The following CSMD3 variants were observed in gnomAD, a reference collection of about 807,000 sequenced individuals.
The protein encoded by CSMD3 is CUB and sushi domain-containing protein 3.
Under a neutral mutation model 435.2 loss-of-function variants are expected in CSMD3, and 177 were observed. The observed-to-expected ratio is 0.41, with a 90% CI of 0.36 to 0.46. CSMD3 has a LOEUF of 0.46. Among genes scored for constraint, CSMD3 ranks in the 20% least tolerant of loss-of-function variants. The pLI is 0.34. For synonymous variants in CSMD3, 1,656 were observed against 1,520.5 expected (o/e 1.09, Z -2.07); for missense variants, 4,265 against 4,504.6 (o/e 0.95, Z 1.52).
chr8:112,944,356 A>G (rs1482488862), intron 9 of CSMD3, among the ~76,000 whole-genome samples: 3 of 151,572 alleles, frequency 2.0e-5, no homozygotes, highest in African/African-American at 7.3e-5. Context: ...TTGGGATCCC[A>G]TTTATTTTCT....
At chr8:113,072,296 T>C (rs897222728) in intron 5 of CSMD3, among the ~76,000 whole-genome samples, 3 of 151,770 alleles carry the variant, frequency 2.0e-5, no homozygotes, top group Non-Finnish European at 4.4e-5. Context: ...TTTTTCCTTA[T>C]CTAATTGCTC....
At chr8:112,976,911 CAATT>C (rs561265060) in intron 6 of CSMD3, among the ~76,000 whole-genome samples, 131 of 152,014 alleles carry the variant, frequency 8.6e-4, no homozygotes, top group Admixed American at 2.6e-3. Flanking sequence ...CTAGTTTTAA[CAATT>C]GGTTGGGAAT....
chr8:112,666,400 T>C lies in CSMD3; in HGVS notation c.2693A>G (p.His898Arg). The change falls in exon 17 of 71, where the codon CAT becomes CGT. Residue 898 changes from histidine to arginine, a missense_variant. His to Arg is a conservative substitution (Grantham distance 29, BLOSUM62 0). Coordinates refer to ENST00000297405, the MANE Select transcript of CSMD3 (RefSeq NM_198123.2). ...AATCACTCCACTGGGAGCTGAAAAA[T>C]GGCCACCACATGGGGCTGAAAAATT... ...IPKCGAPCGG[H>R]FSAPSGVILS... 2 of 1,612,504 alleles carry C rather than the reference T, an allele frequency of 1.2e-6. No homozygotes were observed. Among genetic ancestry groups the C allele is most frequent in the Non-Finnish European group, 1.7e-6 (2 of 1,179,198 alleles).
At chr8:113,037,495 T>C (rs1045700122) in intron 5 of CSMD3, among the ~76,000 whole-genome samples, 10 of 152,278 alleles carry the variant, frequency 6.6e-5, no homozygotes, top group Non-Finnish European at 1.3e-4. Flanking sequence ...ATTCATTTCA[T>C]TGATTTTTCT....
intron 22 of CSMD3, among the ~76,000 whole-genome samples, chr8:112,635,122 C>G (rs1206124187): frequency 6.6e-6 from 1 of 151,998 alleles, no homozygotes; most frequent in African/African-American, 2.4e-5. Context: ...ATTTTATAAA[C>G]TAAGTTGACA....
At chr8:113,272,998 G>T (rs2093541339) in intron 3 of CSMD3, among the ~76,000 whole-genome samples, 1 of 151,988 alleles carries the variant, frequency 6.6e-6, no homozygotes, top group Admixed American at 6.6e-5. Flanking sequence ...AAAATAACTA[G>T]TGAAGTGAAT....
chr8:113,396,550 TTGAC>T (rs1294302994), intron 1 of CSMD3, among the ~76,000 whole-genome samples: 1 of 152,166 alleles, frequency 6.6e-6, no homozygotes, highest in Non-Finnish European at 1.5e-5. Context: ...TATATAAAAA[TTGAC>T]TAGTGAATAA....
chr8:112,694,225 G>A (rs2076203508), intron 13 of CSMD3, among the ~76,000 whole-genome samples: 1 of 151,912 alleles, frequency 6.6e-6, no homozygotes, highest in Non-Finnish European at 1.5e-5. Flanking sequence ...CAGCATATTT[G>A]AAAATTTATA....
chr8:112,859,241 T>C lies in CSMD3; in HGVS notation c.1659A>G (p.Gln553=), dbSNP rs1219819287. The C allele has an allele frequency of 6.2e-7, 1 of 1,611,400 alleles. No individual in the cohort carries two copies. The highest frequency in any genetic ancestry group is 2.2e-5 in the East Asian group (1 of 44,758). The part of the protein sequence containing the change: ...CKVKTCGSNL[Q]GPSGTFTSPN... ...GAGATGTAAAGGTACCACTTGGTCCTTGAAGATTAGAGCCACACGTTTTCA... is the reference window on the plus strand; with the variant it reads ...GAGATGTAAAGGTACCACTTGGTCCCTGAAGATTAGAGCCACACGTTTTCA... Residue 553 remains glutamine (Q), a synonymous_variant, in exon 11 of 71, where the codon CAA becomes CAG. Coordinates refer to ENST00000297405, the MANE Select transcript of CSMD3 (RefSeq NM_198123.2).
intron 4 of CSMD3, among the ~76,000 whole-genome samples, chr8:113,113,027 C>A (rs2090710724): frequency 6.6e-6 from 1 of 152,154 alleles, no homozygotes; most frequent in Non-Finnish European, 1.5e-5. Flanking sequence ...GACTGTGCCA[C>A]CTTTGAAATT....
At chr8:112,492,204 C>T (rs1226358587) in intron 31 of CSMD3, among the ~76,000 whole-genome samples, 3 of 152,092 alleles carry the variant, frequency 2.0e-5, no homozygotes, top group African/African-American at 7.2e-5. Context: ...GGTGCAAGTC[C>T]TGAAGGCACA....
intron 3 of CSMD3, among the ~76,000 whole-genome samples, chr8:113,215,994 T>C (rs982051893): frequency 6.6e-6 from 1 of 151,952 alleles, no homozygotes; most frequent in East Asian, 1.9e-4. Context: ...AGCATTCTTA[T>C]ACATGGTTGA....
chr8:112,395,754 A>C (rs973674279), intron 35 of CSMD3, among the ~76,000 whole-genome samples: 1 of 152,194 alleles, frequency 6.6e-6, no homozygotes, highest in East Asian at 1.9e-4. Flanking sequence ...AGAGTCTAAA[A>C]GGGAGGAAAG....
intron 32 of CSMD3, among the ~76,000 whole-genome samples, chr8:112,424,978 C>A (rs571472601): frequency 9.2e-4 from 140 of 152,336 alleles, no homozygotes; most frequent in African/African-American, 3.3e-3. Flanking sequence ...GCATGAGCCA[C>A]CGCGCTTGAC....
At chr8:112,932,296 C>T (rs896905870) in intron 9 of CSMD3, among the ~76,000 whole-genome samples, 3 of 152,134 alleles carry the variant, frequency 2.0e-5, no homozygotes, top group South Asian at 2.1e-4. Flanking sequence ...GCAACATGGA[C>T]GGAACTTCAG....
chr8:113,286,291 A>G (rs532496361), intron 2 of CSMD3, among the ~76,000 whole-genome samples: 1 of 152,160 alleles, frequency 6.6e-6, no homozygotes, highest in Non-Finnish European at 1.5e-5. Flanking sequence ...GATATTTTAT[A>G]CTGAAATGAA....
At chr8:112,415,137 C>G (rs192188255) in intron 32 of CSMD3, among the ~76,000 whole-genome samples, 3 of 152,324 alleles carry the variant, frequency 2.0e-5, no homozygotes, top group Admixed American at 2.0e-4. Context: ...TGTCAGAGAC[C>G]TTCATGGAAG....
At chr8:112,672,329 T>C (rs1449932818) in intron 16 of CSMD3, among the ~76,000 whole-genome samples, 1 of 152,122 alleles carries the variant, frequency 6.6e-6, no homozygotes, top group African/African-American at 2.4e-5. Context: ...TTATTATTAG[T>C]GGAGGCCTAA....
chr8:112,950,291 C>A (rs1202319015), intron 8 of CSMD3, among the ~76,000 whole-genome samples: 2 of 151,722 alleles, frequency 1.3e-5, no homozygotes, highest in African/African-American at 2.4e-5. Context: ...CTTTACAAGG[C>A]TTTTGGAAAT....
Sources: gnomAD v4.1 joint callset for allele counts (sites outside exome capture counted in the v4.1 genomes callset) on GRCh38, gnomAD v4.1.1 for gene constraint, MANE v1.5 for transcripts, NCBI Gene and HGNC (gene_info 2026-07-23, HGNC 2026-07-21) for gene names.